ERGIC1: variants seen among roughly 807,000 people sequenced by gnomAD.
ERGIC1 encodes endoplasmic reticulum-Golgi intermediate compartment protein 1.
In ERGIC1, 19 loss-of-function variants were observed where a neutral mutation model predicts 38.3. That is an observed-to-expected ratio of 0.50 (90% CI 0.35 to 0.73). The LOEUF (loss-of-function observed/expected upper bound fraction) is 0.73. ERGIC1 is among the 30% of genes least tolerant of loss of function. The probability of loss-of-function intolerance (pLI) is 0.01; values close to 1 mark genes in which losing one functional copy is unlikely to be tolerated. For synonymous variants in ERGIC1, 124 were observed against 157.6 expected, an observed-to-expected ratio of 0.79 and a Z score of 1.60; for missense variants, 294 against 389.2, an observed-to-expected ratio of 0.76 and a Z score of 2.06.
intron 1 of ERGIC1, among the ~76,000 whole-genome samples, chr5:172,851,204 A>T: frequency 8.3e-6 from 1 of 120,832 alleles, no homozygotes; most frequent in Admixed American, 7.8e-5. Context: ...CTGTCTCAAA[A>T]AAAAAAAAAA....
At chr5:172,924,508 C>T (rs1159284338) in intron 6 of ERGIC1, among the ~76,000 whole-genome samples, 4 of 152,120 alleles carry the variant, frequency 2.6e-5, no homozygotes, top group Non-Finnish European at 5.9e-5. Flanking sequence ...GTGTGGGGTG[C>T]GAGAGACCCG....
chr5:172,947,142 C>A (rs1243970423), intron 9 of ERGIC1, among the ~76,000 whole-genome samples: 2 of 150,402 alleles, frequency 1.3e-5, no homozygotes, highest in African/African-American at 4.9e-5. Context: ...GAGGTCACCC[C>A]ATTGCACTCC....
intron 7 of ERGIC1, among the ~76,000 whole-genome samples, chr5:172,931,917 G>C (rs1427108628): frequency 6.8e-6 from 1 of 146,168 alleles, no homozygotes; most frequent in Non-Finnish European, 1.5e-5. Context: ...GGAGTGCAGT[G>C]GCATGACCTT....
chr5:172,866,725 G>A (rs1761872534), intron 1 of ERGIC1, among the ~76,000 whole-genome samples: 1 of 152,252 alleles, frequency 6.6e-6, no homozygotes, highest in Non-Finnish European at 1.5e-5. Context: ...AACCCAGAAA[G>A]GGCAGCTCCA....
chr5:172,942,596 TAGG>T (rs1299627691), intron 9 of ERGIC1, among the ~76,000 whole-genome samples: 1 of 152,166 alleles, frequency 6.6e-6, no homozygotes, highest in Non-Finnish European at 1.5e-5. Flanking sequence ...GAACCCATAT[TAGG>T]AGCTTGGTGA....
rs376172212 is a variant in ERGIC1, at chr5:172,842,636, C to T, written c.20+8203C>T. Among the ~76,000 whole-genome samples, 53 of 152,308 alleles carry T rather than the reference C, an allele frequency of 3.5e-4. No homozygotes were observed. The South Asian group carries it at 0.01, about 30-fold the overall frequency. On this transcript the variant is annotated intron_variant, in intron 1 of 9. Coordinates refer to ENST00000393784, the MANE Select transcript of ERGIC1 (RefSeq NM_001031711.3). ...CTGCACTATCTTTCCTCCCCACCAA[C>T]GGTGTACAAGCATTCCCTCTCCCCA...
chr5:172,834,417 C>T lies in ERGIC1; in HGVS notation c.4C>T (p.Pro2Ser). 1.5e-6 allele frequency: 2 copies of T among 1,337,336 alleles called. No homozygotes were observed. Among genetic ancestry groups the T allele is most frequent in the Non-Finnish European group, 1.9e-6 (2 of 1,040,152 alleles). The allele number at this position is 1,337,336 out of a possible 1,614,324, so 82.8% of individuals were successfully genotyped here. ...TCCCACCCCCGGCGGCGGCACGATG[C>T]CCTTTGACTTCAGGAGGTGAGTGTG... The part of the protein sequence containing the change: M[P>S]FDFRRFDIYR... Residue 2 changes from proline (P) to serine (S), a missense_variant, in exon 1 of 10, where the codon CCC becomes TCC. Around this residue, in one of 3 missense-constraint regions of ERGIC1, gnomAD observed 163 missense variants for 225.8 expected, o/e 0.72. Coordinates refer to ENST00000393784, the MANE Select transcript of ERGIC1 (RefSeq NM_001031711.3). The surrounding 1 kb of genome is among the most constrained non-coding windows in gnomAD (Gnocchi z 4.1).
At chr5:172,856,965 T>C (rs1469806862) in intron 1 of ERGIC1, among the ~76,000 whole-genome samples, 1 of 152,156 alleles carries the variant, frequency 6.6e-6, no homozygotes, top group African/African-American at 2.4e-5. Context: ...TAGACAGCAC[T>C]GGGGTAGCCA....
intron 1 of ERGIC1, among the ~76,000 whole-genome samples, chr5:172,856,427 C>T (rs1028462934): frequency 3.3e-5 from 5 of 152,110 alleles, no homozygotes; most frequent in Non-Finnish European, 7.4e-5. Context: ...CAGGGTGCTT[C>T]CTGGAGGAGG....
chr5:172,930,708 T>C (rs1300549957), intron 7 of ERGIC1, among the ~76,000 whole-genome samples: 1 of 152,180 alleles, frequency 6.6e-6, no homozygotes, highest in Non-Finnish European at 1.5e-5. Context: ...TTTTCATTCC[T>C]TCAAGTTTTT....
intron 1 of ERGIC1, among the ~76,000 whole-genome samples, chr5:172,841,432 A>G (rs1295745008): frequency 6.6e-6 from 1 of 152,192 alleles, no homozygotes; most frequent in Non-Finnish European, 1.5e-5. Flanking sequence ...CGTAATCCTC[A>G]TGCCCTTGAC....
intron 1 of ERGIC1, among the ~76,000 whole-genome samples, chr5:172,870,525 G>C (rs980050822): frequency 6.6e-6 from 1 of 152,188 alleles, no homozygotes; most frequent in East Asian, 1.9e-4. Flanking sequence ...TAACTCACTT[G>C]GGATGCTGAC....
chr5:172,884,356 C>T (rs778387567), intron 1 of ERGIC1, among the ~76,000 whole-genome samples: 1 of 151,550 alleles, frequency 6.6e-6, no homozygotes, highest in African/African-American at 2.4e-5. Flanking sequence ...ATCCTCCCAC[C>T]TCAGCCTCTT....
At chr5:172,844,004 A>G (rs792975) in intron 1 of ERGIC1, among the ~76,000 whole-genome samples, 29,898 of 152,106 alleles carry the variant, frequency 0.2, 3,100 homozygotes, top group East Asian at 0.34. Context: ...TGTGCACCTC[A>G]CCGAGCCGTG....
chr5:172,922,562 A>G (rs1358392247), intron 5 of ERGIC1: 2 of 152,424 alleles, frequency 1.3e-5, no homozygotes, highest in Non-Finnish European at 2.9e-5. Flanking sequence ...AGGGAGGGCC[A>G]TGTGGAAGAG....
chr5:172,935,304 C>T lies in ERGIC1; in HGVS notation c.759C>T (p.Ile253=), dbSNP rs748033269. Residue 253 remains isoleucine (I), a synonymous_variant, in exon 9 of 10, where the codon ATC becomes ATT. Coordinates refer to ENST00000393784, the MANE Select transcript of ERGIC1 (RefSeq NM_001031711.3). ...GACGGCAGCCGCTGTACAGATTCAT[C>T]ACCACGGTGAGTGGCCTGGGGCAGT... is the stretch of plus-strand genomic sequence containing the variant. ...TERRQPLYRF[I]TTICAIIGGT... is the part of the protein sequence containing the mutation. 6.2e-7 allele frequency: 1 copy of T among 1,614,104 alleles called. No individual in the cohort carries two copies.
At chr5:172,938,695 G>GTGAGC (rs1216778772) in intron 9 of ERGIC1, among the ~76,000 whole-genome samples, 1 of 151,284 alleles carries the variant, frequency 6.6e-6, no homozygotes, top group African/African-American at 2.4e-5. Context: ...GGACGTTGCA[G>GTGAGC]TGAGCTGAGC....
rs1454635586 is a variant in ERGIC1 at position 172,893,893 on chromosome 5, A to ATGTGTGTGTGTGTGTG, written c.83-3108_83-3107insGTGTGTGTGTGTGTGT. Among the ~76,000 whole-genome samples, 111 of 19,772 alleles carry ATGTGTGTGTGTGTGTG rather than the reference A, an allele frequency of 5.6e-3. 1 individual carries two copies. The highest frequency in any genetic ancestry group is 0.011 in the Non-Finnish European group (84 of 7,366). 13.0% of individuals were successfully genotyped at this position (19,772 alleles called of 152,430 possible). A position where few individuals can be genotyped will look rare whatever the true frequency, so the allele number is the denominator to read the frequency against. On this transcript the variant is annotated intron_variant, in intron 2 of 9. Coordinates refer to ENST00000393784, the MANE Select transcript of ERGIC1 (RefSeq NM_001031711.3). ...GATATATATATATATATATATATAT[A>ATGTGTGTGTGTGTGTG]TATATATATATATGTGTGTGTGTGT...
intron 1 of ERGIC1, among the ~76,000 whole-genome samples, chr5:172,850,107 C>T (rs1004196819): frequency 1.3e-5 from 2 of 152,112 alleles, no homozygotes; most frequent in East Asian, 1.9e-4. Flanking sequence ...GGTTCAGTGT[C>T]GCCCTGATGT....
Sources: gnomAD v4.1 joint callset for allele counts (sites outside exome capture counted in the v4.1 genomes callset) on GRCh38, gnomAD v4.1.1 for gene constraint, gnomAD v4.1.1 regional missense constraint, Gnocchi (gnomAD v3.1) non-coding constraint, MANE v1.5 for transcripts, NCBI Gene and HGNC (gene_info 2026-07-23, HGNC 2026-07-21) for gene names.